The following DRP2 variants were observed in gnomAD, a reference collection of about 807,000 sequenced individuals.
DRP2 encodes the protein dystrophin-related protein 2.
DRP2 carries 29 observed loss-of-function variants against 78.2 expected under a neutral mutation model. That is an observed-to-expected ratio of 0.37 (90% CI 0.28 to 0.51). DRP2 has a LOEUF of 0.51. DRP2 is among the 20% of genes least tolerant of loss of function. The probability of loss-of-function intolerance (pLI) is 0.94; values close to 1 mark genes in which losing one functional copy is unlikely to be tolerated. For missense variants in DRP2, 686 were observed against 770.6 expected, an observed-to-expected ratio of 0.89 and a Z score of 1.30; for synonymous variants, 290 against 281.9, an observed-to-expected ratio of 1.03 and a Z score of -0.29.
In DRP2 at chrX:101,226,788, A is replaced by G. The variant is rs113002444; in HGVS notation, c.-64+2082A>G. On this transcript the variant is annotated intron_variant, in intron 2 of 23. Transcript: ENST00000395209. ...AAATACATCCCAAATCCCTCCAACT[A>G]GAAGTGAACACTTCCTCCTCTGTGA... 8.0e-3 allele frequency among the ~76,000 whole-genome samples: 899 copies of G among 111,879 alleles called. 12 individuals carry two copies. Among genetic ancestry groups the G allele is most frequent in the African/African-American group, 0.028 (865 of 30,786 alleles).
chrX:101,226,543 C>T (rs766614187), intron 2 of DRP2, among the ~76,000 whole-genome samples: 1 of 111,656 alleles, frequency 9.0e-6, no homozygotes, highest in Non-Finnish European at 1.9e-5. Context: ...TATCTCTGCT[C>T]AAGAGAAACA....
At position 101,248,112 on chromosome X, in the gene DRP2, G is replaced by A; in HGVS notation, c.1276G>A (p.Ala426Thr). 1 of 1,211,072 alleles carries A rather than the reference G, an allele frequency of 8.3e-7. No homozygotes were observed. Among genetic ancestry groups the A allele is most frequent in the Non-Finnish European group, 1.1e-6 (1 of 895,301 alleles). Residue 426 changes from alanine to threonine, a missense_variant, in exon 13 of 24, where the codon GCC becomes ACC. By Grantham distance (58) the Ala-to-Thr change is moderately conservative (BLOSUM62 0). Transcript: ENST00000395209. ...LRLDLVTLTT[A>T]LEIFNEHDLQ... is the part of the protein sequence containing the mutation. The stretch of plus-strand genomic sequence containing the variant: ...AGTGGACCTGGTAACTTTAACCACA[G>A]CCCTGGAAATCTTCAATGAGCATGA...
At position 101,250,931 on chromosome X, in the gene DRP2, A is replaced by G. The variant is rs778362534; in HGVS notation, c.1713A>G (p.Pro571=). The G allele has an allele frequency of 1.7e-6, 2 of 1,210,938 alleles. No individual in the cohort carries two copies. The highest frequency in any genetic ancestry group is 3.5e-5 in the South Asian group (2 of 56,782). Residue 571 remains proline (P), a synonymous_variant, in exon 16 of 24, where the codon CCA becomes CCG. Transcript: ENST00000395209. ...TGTTTCCGTAGAGCACCGGGAAGCCAGTCATTGAAGCATCCCAGTTCCTGG... is the reference window on the plus strand; with the variant it reads ...TGTTTCCGTAGAGCACCGGGAAGCCGGTCATTGAAGCATCCCAGTTCCTGG... ...RSCFRFSTGK[P]VIEASQFLEW...
intron 2 of DRP2, 88 bp from the exon 3 acceptor site, chrX:101,231,497 A>G: frequency 1.8e-6 from 1 of 549,895 alleles, no homozygotes; most frequent in Non-Finnish European, 3.3e-6. Context: ...ACTTATTTGT[A>G]TATCTGGTCA....
intron 2 of DRP2, among the ~76,000 whole-genome samples, chrX:101,226,246 G>T (rs1922115927): frequency 8.9e-6 from 1 of 111,791 alleles, no homozygotes; most frequent in Non-Finnish European, 1.9e-5. Flanking sequence ...GTCCCCTAGT[G>T]ATAGACGTTT....
At position 101,241,945 on chromosome X, in the gene DRP2, GC is replaced by G; in HGVS notation, c.828+14del. ...ACATCCAGGCTATTAAGGTATGCAA[GC>G]CCCCTCCCCTGACTACAGTCTACCC... is the stretch of plus-strand genomic sequence containing the variant. On this transcript the variant is annotated intron_variant, in intron 7 of 23. Coordinates refer to ENST00000395209, the MANE Select transcript of DRP2 (RefSeq NM_001939.3). 1 of 1,163,122 alleles carries G rather than the reference GC, an allele frequency of 8.6e-7. No homozygotes were observed. The highest frequency in any genetic ancestry group is 1.8e-5 in the African/African-American group (1 of 56,099).
rs1384061140 is a variant in DRP2 at position 101,248,112 on chromosome X, G to T, written c.1276G>T (p.Ala426Ser). The T allele has an allele frequency of 2.5e-6, 3 of 1,209,082 alleles. No individual in the cohort carries two copies. In the African/African-American group the frequency reaches 5.3e-5, roughly 21 times the overall value. ...AGTGGACCTGGTAACTTTAACCACA[G>T]CCCTGGAAATCTTCAATGAGCATGA... The part of the protein sequence containing the change: ...LRLDLVTLTT[A>S]LEIFNEHDLQ... Residue 426 changes from alanine (A) to serine (S), a missense_variant, in exon 13 of 24, where the codon GCC (alanine) becomes TCC (serine). Physicochemically the swap from Ala to Ser is moderately conservative, Grantham distance 99. This residue lies in a region of DRP2 where 423 missense variants were observed against 531.5 expected (regional missense o/e 0.80). Coordinates refer to ENST00000395209, the MANE Select transcript of DRP2 (RefSeq NM_001939.3).
chrX:101,227,623 T>C (rs1922165875), intron 2 of DRP2, among the ~76,000 whole-genome samples: 2 of 112,095 alleles, frequency 1.8e-5, no homozygotes, highest in African/African-American at 6.5e-5. Context: ...CAGAGAATGA[T>C]AGTGTTTGGT....
intron 6 of DRP2, among the ~76,000 whole-genome samples, chrX:101,239,616 C>T (rs1371611883): frequency 9.0e-6 from 1 of 110,498 alleles, no homozygotes; most frequent in African/African-American, 3.3e-5. Flanking sequence ...CTCGCTCTGT[C>T]GCCCAGGCTG....
Position 101,261,532 on chromosome X carries a change from C to T in DRP2, c.*911C>T, listed in dbSNP as rs1923556166. 1 of 111,012 alleles carries T rather than the reference C, an allele frequency of 9.0e-6. No individual in the cohort carries two copies. Among genetic ancestry groups the T allele is most frequent in the Non-Finnish European group, 1.9e-5 (1 of 52,972 alleles). The allele number at this position is 111,012 out of a possible 1,213,427, so 9.1% of individuals were successfully genotyped here. A position where few individuals can be genotyped will look rare whatever the true frequency, so the allele number is the denominator to read the frequency against. The stretch of plus-strand genomic sequence containing the variant: ...TTTCCTTGGGTAAGGAAGAGGAAGC[C>T]CACCTCAAGTCTGGAGTAGTATGAC... On this transcript the variant is annotated 3_prime_UTR_variant, in exon 24 of 24. Transcript: ENST00000395209.
rs1922013691 is a variant in DRP2 at position 101,224,194 on chromosome X, T to TTG, written c.-166-409_-166-408insGT. Among the ~76,000 whole-genome samples the TTG allele has an allele frequency of 3.5e-4, 16 of 45,730 alleles. 1 individual carries two copies. The highest frequency in any genetic ancestry group is 1.1e-3 in the South Asian group (1 of 892). 39.7% of individuals were successfully genotyped at this position (45,730 alleles called of 115,157 possible). A position where few individuals can be genotyped will look rare whatever the true frequency, so the allele number is the denominator to read the frequency against. On this transcript the variant is annotated intron_variant, in intron 1 of 23. Coordinates refer to ENST00000395209, the MANE Select transcript of DRP2 (RefSeq NM_001939.3). ...AAATGTTTGCTGGGTTTTTTTTGTT[T>TTG]TTTTTTTTTTTTTTTTTTTTTTTTT...
intron 9 of DRP2, among the ~76,000 whole-genome samples, chrX:101,244,147 A>C (rs1922842464): frequency 9.0e-6 from 1 of 111,124 alleles, no homozygotes; most frequent in African/African-American, 3.3e-5. Flanking sequence ...CTTATGTTTC[A>C]ACAGAGTCAG....
intron 17 of DRP2, among the ~76,000 whole-genome samples, chrX:101,253,647 G>A (rs1409452635): frequency 1.0e-5 from 1 of 99,042 alleles, no homozygotes; most frequent in Non-Finnish European, 2.0e-5. Flanking sequence ...TGAGGTTCAA[G>A]CGATTCTCCT....
At chrX:101,253,486 TTCTG>T (rs747001374) in intron 17 of DRP2, among the ~76,000 whole-genome samples, 33 of 95,035 alleles carry the variant, frequency 3.5e-4, no homozygotes, top group Non-Finnish European at 4.2e-4. Flanking sequence ...CTCTCCCCTA[TTCTG>T]TCTATTTTTC....
rs1232589749 is a variant in DRP2, at chrX:101,252,663, A to G, written c.1924A>G (p.Arg642Gly). Reference protein sequence around the residue: ...DICQTCFLTGRASKGNKLHYP... With the variant: ...DICQTCFLTGGASKGNKLHYP... Reference sequence around the variant, plus strand: ...CTGCCAGACCTGCTTCTTGACAGGCAGGGCCAGCAAAGGCAATAAGCTGCA... The same window carrying G: ...CTGCCAGACCTGCTTCTTGACAGGCGGGGCCAGCAAAGGCAATAAGCTGCA... Residue 642 changes from arginine to glycine, a missense_variant, in exon 17 of 24, where the codon AGG becomes GGG. Arg to Gly is a moderately radical substitution (Grantham distance 125, BLOSUM62 -2). Around this residue, in one of 2 missense-constraint regions of DRP2, gnomAD observed 423 missense variants for 531.5 expected, o/e 0.80. Coordinates refer to ENST00000395209, the MANE Select transcript of DRP2 (RefSeq NM_001939.3). The G allele has an allele frequency of 6.6e-6, 8 of 1,210,478 alleles. No homozygotes were observed. The highest frequency in any genetic ancestry group is 8.9e-6 in the Non-Finnish European group (8 of 895,309).
intron 2 of DRP2, among the ~76,000 whole-genome samples, chrX:101,226,582 A>G (rs1179406049): frequency 1.8e-5 from 2 of 111,642 alleles, no homozygotes; most frequent in Non-Finnish European, 3.8e-5. Flanking sequence ...CTCCTCAAAC[A>G]GCCTGTGTAT....
rs1020127850 is a variant in DRP2, at chrX:101,233,663, G to T, written c.117+1899G>T. Among the ~76,000 whole-genome samples the T allele has an allele frequency of 2.3e-4, 26 of 111,920 alleles. 1 individual carries two copies. Among genetic ancestry groups the T allele is most frequent in the African/African-American group, 8.4e-4 (26 of 30,772 alleles). Reference sequence around the variant, plus strand: ...TCCCCAGACAAGTCTGCTGGAAAAGGAGAAGAGTGGCCACTTCCAGGAGGG... The same window carrying T: ...TCCCCAGACAAGTCTGCTGGAAAAGTAGAAGAGTGGCCACTTCCAGGAGGG... On this transcript the variant is annotated intron_variant, in intron 3 of 23. Coordinates refer to ENST00000395209, the MANE Select transcript of DRP2 (RefSeq NM_001939.3).
chrX:101,247,237 A>G, intron 12 of DRP2, 73 bp downstream of exon 12: 1 of 987,070 alleles, frequency 1.0e-6, no homozygotes, highest in Non-Finnish European at 1.4e-6. Flanking sequence ...GCTGTTTCTC[A>G]TTTTCCTCCC....
At chrX:101,246,188 C>T (rs1441054762) in intron 11 of DRP2, among the ~76,000 whole-genome samples, 1 of 112,210 alleles carries the variant, frequency 8.9e-6, no homozygotes, top group African/African-American at 3.2e-5. Flanking sequence ...TTCCTTTATC[C>T]TCGCACCTTT....
Sources: allele counts gnomAD v4.1 joint callset (sites outside exome capture counted in the v4.1 genomes callset), GRCh38; gene constraint gnomAD v4.1.1; regional missense constraint gnomAD v4.1.1; transcripts MANE v1.5; gene names NCBI Gene and HGNC (gene_info 2026-07-23, HGNC 2026-07-21).